Variants in TDRD7 observed in about 807,000 individuals in gnomAD.
TDRD7 encodes the protein tudor domain-containing protein 7.
In TDRD7, 47 loss-of-function variants were observed where a neutral mutation model predicts 109.8. The observed-to-expected ratio is 0.43, with a 90% CI of 0.34 to 0.55. TDRD7 has a LOEUF of 0.55. TDRD7 is among the 20% of genes least tolerant of loss of function. The pLI is 0.03. For synonymous variants in TDRD7, 424 were observed against 457.3 expected (o/e 0.93, Z 0.93); for missense variants, 1,164 against 1,319.2 (o/e 0.88, Z 1.82).
Position 97,478,473 on chromosome 9 carries a change from T to C in TDRD7, c.2201T>C (p.Val734Ala). 1 of 1,614,066 alleles carries C rather than the reference T, an allele frequency of 6.2e-7. No individual in the cohort carries two copies. ...TNVHSSRALD[V>A]QFLDSGTVTS... ...GTTCACAGCAGCCGGGCTCTTGATG[T>C]TCAGTTCCTGGACTCTGGCACTGTG... The change falls in exon 13 of 17, where the codon GTT becomes GCT. Residue 734 changes from valine to alanine, a missense_variant. Around this residue, in one of 5 missense-constraint regions of TDRD7, gnomAD observed 261 missense variants for 336.2 expected, o/e 0.78. Coordinates refer to ENST00000355295, the MANE Select transcript of TDRD7 (RefSeq NM_014290.3).
At chr9:97,442,656 G>A (rs1220958082) in intron 6 of TDRD7, among the ~76,000 whole-genome samples, 1 of 152,192 alleles carries the variant, frequency 6.6e-6, no homozygotes, top group Admixed American at 6.5e-5. Context: ...TAGGCTTGTA[G>A]AATTAAATAT....
intron 6 of TDRD7, among the ~76,000 whole-genome samples, chr9:97,448,611 G>T (rs930607102): frequency 1.3e-5 from 2 of 152,102 alleles, no homozygotes; most frequent in Admixed American, 6.6e-5. Flanking sequence ...TTTAAAATGG[G>T]ATTATTTTTT....
chr9:97,490,373 CTCT>C (rs1829282036), intron 16 of TDRD7, among the ~76,000 whole-genome samples: 1 of 152,124 alleles, frequency 6.6e-6, no homozygotes, highest in Non-Finnish European at 1.5e-5. Flanking sequence ...ACCCTCTAGT[CTCT>C]TCTTGCTGCA....
At chr9:97,481,242 C>A (rs1458070321) in intron 14 of TDRD7, among the ~76,000 whole-genome samples, 1 of 152,140 alleles carries the variant, frequency 6.6e-6, no homozygotes, top group Admixed American at 6.5e-5. Flanking sequence ...GGGATTAAGT[C>A]CCCAACAGAG....
chr9:97,422,659 G>A, intron 1 of TDRD7, among the ~76,000 whole-genome samples: 1 of 152,290 alleles, frequency 6.6e-6, no homozygotes, highest in Non-Finnish European at 1.5e-5. Context: ...GATGTTAACT[G>A]TGGGTTTTTT....
At chr9:97,494,144 A>G (rs1049233046) in intron 16 of TDRD7, among the ~76,000 whole-genome samples, 6 of 152,250 alleles carry the variant, frequency 3.9e-5, no homozygotes, top group Non-Finnish European at 7.3e-5. Flanking sequence ...TGAAATCTTC[A>G]CAATTTATGT....
chr9:97,471,118 G>A (rs1004616557), intron 9 of TDRD7, among the ~76,000 whole-genome samples: 9 of 152,138 alleles, frequency 5.9e-5, no homozygotes, highest in South Asian at 2.1e-4. Context: ...GTCACATGCA[G>A]TTTTTGGCAT....
chr9:97,460,215 T>A lies in TDRD7; in HGVS notation c.893T>A (p.Leu298His). 1 of 1,614,218 alleles carries A rather than the reference T, an allele frequency of 6.2e-7. No individual in the cohort carries two copies. The highest frequency in any genetic ancestry group is 1.1e-5 in the South Asian group (1 of 91,086). Residue 298 changes from leucine to histidine, a missense_variant, in exon 7 of 17, where the codon CTT (leucine) becomes CAT (histidine). Leu to His is a moderately conservative substitution (Grantham distance 99, BLOSUM62 -3). Transcript: ENST00000355295. The part of the protein sequence containing the change: ...KPCSGGQDLL[L>H]YPAKRKQLLR... ...TGCAGTGGTGGCCAAGATTTACTTC[T>A]TTATCCAGCTAAGAGAAAGCAGCTT... is the stretch of plus-strand genomic sequence containing the variant.
intron 1 of TDRD7, among the ~76,000 whole-genome samples, chr9:97,422,249 G>T (rs1191312860): frequency 6.6e-6 from 1 of 152,100 alleles, no homozygotes; most frequent in Non-Finnish European, 1.5e-5. Context: ...AAAAAAATTA[G>T]CCAGGCATGG....
At chr9:97,477,350 T>G (rs989839020) in intron 12 of TDRD7, among the ~76,000 whole-genome samples, 2 of 152,196 alleles carry the variant, frequency 1.3e-5, no homozygotes, top group African/African-American at 4.8e-5. Context: ...GATCCCACAT[T>G]GTCTTTAGTT....
chr9:97,487,197 A>G lies in TDRD7; in HGVS notation c.2941A>G (p.Ile981Val), dbSNP rs763792246. The G allele has an allele frequency of 6.2e-7, 1 of 1,613,994 alleles. No individual in the cohort carries two copies. Among genetic ancestry groups the G allele is most frequent in the African/African-American group, 1.3e-5 (1 of 75,016 alleles). Residue 981 changes from isoleucine (I) to valine (V), a missense_variant, in exon 16 of 17, where the codon ATC becomes GTC. Ile to Val is a conservative substitution (Grantham distance 29). This residue lies in a region of TDRD7 where 162 missense variants were observed against 222.5 expected (regional missense o/e 0.73). Coordinates refer to ENST00000355295, the MANE Select transcript of TDRD7 (RefSeq NM_014290.3). ...NKWHRVLLKG[I>V]LTNGLVSVYE... ...GTGGCACAGGGTGCTTTTAAAAGGA[A>G]TCCTGACCAATGGACTGGTATCTGT...
rs186355995 is a variant in TDRD7, at chr9:97,437,035, A to T, written c.564-2210A>T. Among the ~76,000 whole-genome samples, 3 of 152,266 alleles carry T rather than the reference A, an allele frequency of 2.0e-5. No individual in the cohort carries two copies. The East Asian group carries it at 5.8e-4, about 29-fold the overall frequency. ...ATTAGTTCCATTGTGTGCTTTTATT[A>T]TACCTACTGCCCTTATCATAACACT... On this transcript the variant is annotated intron_variant, in intron 4 of 16. Transcript: ENST00000355295.
chr9:97,473,768 T>C, intron 11 of TDRD7, 142 bp downstream of exon 11: 1 of 1,095,240 alleles, frequency 9.1e-7, no homozygotes, highest in Non-Finnish European at 1.3e-6. Flanking sequence ...GAATAGTAGG[T>C]AAAGAGCTCC....
intron 16 of TDRD7, among the ~76,000 whole-genome samples, chr9:97,490,142 CCTTCA>C (rs1298714134): frequency 1.3e-5 from 2 of 152,098 alleles, no homozygotes; most frequent in African/African-American, 4.8e-5. Flanking sequence ...TTTTACTTTA[CCTTCA>C]CTTATTCATT....
rs555100545 is a variant in TDRD7 at position 97,478,651 on chromosome 9, A to G, written c.2301+78A>G. 2.8e-4 allele frequency: 450 copies of G among 1,588,976 alleles called. 7 individuals carry two copies. The South Asian group carries it at 4.7e-3, about 17-fold the overall frequency. On this transcript the variant is annotated intron_variant, in intron 13 of 16. Coordinates refer to ENST00000355295, the MANE Select transcript of TDRD7 (RefSeq NM_014290.3). ...TAATCTTATTGTAAGATGCCTTCTCAGTTTTGATCTCATTAATTTTTAAGA... is the reference window on the plus strand; with the variant it reads ...TAATCTTATTGTAAGATGCCTTCTCGGTTTTGATCTCATTAATTTTTAAGA...
intron 7 of TDRD7, 82 bp downstream of exon 7, chr9:97,460,846 A>C: frequency 7.5e-7 from 1 of 1,340,428 alleles, no homozygotes; most frequent in Non-Finnish European, 1.1e-6. Context: ...TGAGGGTTAA[A>C]GGAAGAATAA....
rs147475204 is a variant in TDRD7, at chr9:97,450,995, AT to A, written c.855+9122del. On this transcript the variant is annotated intron_variant, in intron 6 of 16. Coordinates refer to ENST00000355295, the MANE Select transcript of TDRD7 (RefSeq NM_014290.3). ...TGGTCACCAGAAAGACCAACGCATG[AT>A]TAGAGGGTTGGGACTTTCAGCCCCA... Among the ~76,000 whole-genome samples the A allele has an allele frequency of 9.1e-3, 1,384 of 151,794 alleles. 19 individuals carry two copies. The highest frequency in any genetic ancestry group is 0.032 in the African/African-American group (1,325 of 41,328).
At chr9:97,421,300 A>G (rs543713943) in intron 1 of TDRD7, among the ~76,000 whole-genome samples, 14 of 152,302 alleles carry the variant, frequency 9.2e-5, no homozygotes, top group African/African-American at 3.4e-4. Flanking sequence ...GTGATACTTC[A>G]TTGTGAATTT....
intron 4 of TDRD7, 98 bp from the exon 5 acceptor site, chr9:97,439,147 A>G: frequency 1.2e-6 from 1 of 806,856 alleles, no homozygotes; most frequent in Non-Finnish European, 1.8e-6. Context: ...TTGCTGTTAA[A>G]TGCCACTGAG....
Sources: allele counts gnomAD v4.1 joint callset (sites outside exome capture counted in the v4.1 genomes callset), GRCh38; gene constraint gnomAD v4.1.1; regional missense constraint gnomAD v4.1.1; transcripts MANE v1.5; gene names NCBI Gene and HGNC (gene_info 2026-07-23, HGNC 2026-07-21).